Variants in NRXN3 observed in about 807,000 individuals in gnomAD.
NRXN3 encodes the protein neurexin 3.
A neutral mutation model predicts 137.6 loss-of-function variants in NRXN3; 32 were observed. The ratio of observed to expected loss-of-function variants is 0.23; its 90% CI spans 0.18 to 0.31. NRXN3 has a LOEUF of 0.31. Among genes scored for constraint, NRXN3 ranks in the 10% least tolerant of loss-of-function variants. NRXN3 has a pLI of 1.00. For missense variants in NRXN3, 1,574 were observed against 2,062.5 expected (o/e 0.76, Z 4.59); for synonymous variants, 798 against 784.5 (o/e 1.02, Z -0.29).
chr14:79,589,550 T>TGAA (rs771674567), intron 16 of NRXN3, among the ~76,000 whole-genome samples: 2 of 87,060 alleles, frequency 2.3e-5, no homozygotes, highest in African/African-American at 9.6e-5. Context: ...GTAGAATACC[T>TGAA]AAAAAAAAAA....
intron 15 of NRXN3, among the ~76,000 whole-genome samples, chr14:79,431,308 G>A (rs1466879467): frequency 6.6e-6 from 1 of 152,164 alleles, no homozygotes; most frequent in Non-Finnish European, 1.5e-5. Context: ...CTTCAGCAGA[G>A]ACTTGACCTA....
At position 78,663,535 on chromosome 14, in the gene NRXN3, G is replaced by A. The variant is rs76910782; in HGVS notation, c.1221+12209G>A. ...AAATGCCAAGCAGTGCAATAGTTTC[G>A]TCTTGAGATGGGCAGCACATTGTTT... On this transcript the variant is annotated intron_variant, in intron 6 of 20. Coordinates refer to ENST00000335750, the MANE Select transcript of NRXN3 (RefSeq NM_001330195.2). Among the ~76,000 whole-genome samples, 58 of 152,212 alleles carry A rather than the reference G, an allele frequency of 3.8e-4. No individual in the cohort carries two copies. The Middle Eastern group carries it at 0.017, about 45-fold the overall frequency.
chr14:78,308,424 T>A (rs900545279), intron 4 of NRXN3, among the ~76,000 whole-genome samples: 2 of 152,124 alleles, frequency 1.3e-5, no homozygotes, highest in Non-Finnish European at 2.9e-5. Flanking sequence ...GGGTCCCACA[T>A]GCTCTGCAGC....
chr14:78,237,658 T>C (rs1207019441), intron 1 of NRXN3, among the ~76,000 whole-genome samples: 1 of 152,218 alleles, frequency 6.6e-6, no homozygotes, highest in Non-Finnish European at 1.5e-5. Flanking sequence ...AACTAATCAC[T>C]GTGGCCAAGA....
chr14:79,491,304 T>A (rs1376058352), intron 16 of NRXN3, among the ~76,000 whole-genome samples: 1 of 152,186 alleles, frequency 6.6e-6, no homozygotes, highest in Non-Finnish European at 1.5e-5. Context: ...CTACACAATC[T>A]GCTCAGTGAA....
In NRXN3 at chr14:79,663,770, T is replaced by C; in HGVS notation, c.3445-8T>C. On this transcript the variant is annotated splice_polypyrimidine_tract_variant and splice_region_variant and intron_variant, in intron 16 of 20. Transcript: ENST00000335750. Reference sequence around the variant, plus strand: ...GATAACTATGCCTTTTGTGTTTCTTTATTATAGGAACAGGGGAAAATTGGA... The same window carrying C: ...GATAACTATGCCTTTTGTGTTTCTTCATTATAGGAACAGGGGAAAATTGGA... 1 of 1,611,110 alleles carries C rather than the reference T, an allele frequency of 6.2e-7. No homozygotes were observed. The highest frequency in any genetic ancestry group is 8.5e-7 in the Non-Finnish European group (1 of 1,178,456).
At chr14:78,597,983 C>T (rs1016676969) in intron 4 of NRXN3, among the ~76,000 whole-genome samples, 4 of 152,140 alleles carry the variant, frequency 2.6e-5, no homozygotes, top group African/African-American at 9.7e-5. Flanking sequence ...GACTCACCCT[C>T]GATGATGCAG....
At chr14:78,611,316 C>G (rs2097298533) in intron 4 of NRXN3, among the ~76,000 whole-genome samples, 1 of 152,156 alleles carries the variant, frequency 6.6e-6, no homozygotes, top group Admixed American at 6.5e-5. Context: ...ATTTACTTCC[C>G]TTCCGTTCTT....
chr14:79,761,820 G>T (rs1322839279), intron 19 of NRXN3, among the ~76,000 whole-genome samples: 1 of 151,422 alleles, frequency 6.6e-6, no homozygotes, highest in African/African-American at 2.4e-5. Flanking sequence ...TATACAAAAG[G>T]AAAATCTTTA....
chr14:79,418,713 A>G (rs2574753), intron 15 of NRXN3, among the ~76,000 whole-genome samples: 115,530 of 151,980 alleles, frequency 0.76, 44,168 homozygotes, highest in Middle Eastern at 0.87. Context: ...TCACAAAAGG[A>G]CCCTCGTGGC....
At chr14:78,889,697 C>T (rs777936993) in intron 10 of NRXN3, among the ~76,000 whole-genome samples, 10 of 151,974 alleles carry the variant, frequency 6.6e-5, no homozygotes, top group Non-Finnish European at 1.3e-4. Flanking sequence ...AAGCTCTGGC[C>T]TCAAGGATTC....
chr14:78,846,841 C>A (rs1028832056), intron 10 of NRXN3, among the ~76,000 whole-genome samples: 2 of 152,124 alleles, frequency 1.3e-5, no homozygotes, highest in African/African-American at 2.4e-5. Flanking sequence ...CTATTTTCTA[C>A]CTTTGCTTAA....
chr14:78,170,952 C>CTTTTTTT (rs545853025), intron 1 of NRXN3, among the ~76,000 whole-genome samples: 2 of 126,184 alleles, frequency 1.6e-5, no homozygotes, highest in African/African-American at 6.2e-5. Flanking sequence ...TCTTCTTCTT[C>CTTTTTTT]TTTTTTTTTT....
chr14:79,356,364 C>T (rs1015080961), intron 15 of NRXN3, among the ~76,000 whole-genome samples: 1 of 152,100 alleles, frequency 6.6e-6, no homozygotes. Context: ...TTTTTTAATG[C>T]CGCCTGCTGT....
chr14:78,271,107 C>T (rs909417664), intron 2 of NRXN3, among the ~76,000 whole-genome samples: 1 of 152,248 alleles, frequency 6.6e-6, no homozygotes, highest in African/African-American at 2.4e-5. Context: ...TTTTCACAGA[C>T]AAACTTCAGG....
chr14:78,253,705 T>A (rs1267937165), intron 2 of NRXN3, among the ~76,000 whole-genome samples: 1 of 152,052 alleles, frequency 6.6e-6, no homozygotes, highest in Non-Finnish European at 1.5e-5. Context: ...AATCATGGGA[T>A]AATAAGTTTA....
chr14:79,429,151 A>G (rs2095704661), intron 15 of NRXN3, among the ~76,000 whole-genome samples: 1 of 152,084 alleles, frequency 6.6e-6, no homozygotes, highest in African/African-American at 2.4e-5. Flanking sequence ...CTTTTTTTTC[A>G]AAGTTAAGCA....
At chr14:78,643,840 C>T (rs1031348145) in intron 4 of NRXN3, among the ~76,000 whole-genome samples, 1 of 152,098 alleles carries the variant, frequency 6.6e-6, no homozygotes, top group African/African-American at 2.4e-5. Context: ...GTATGGTTTG[C>T]CTTTAGAAAG....
At chr14:78,681,775 A>C (rs1428097872) in intron 6 of NRXN3, among the ~76,000 whole-genome samples, 1 of 152,130 alleles carries the variant, frequency 6.6e-6, no homozygotes, top group Non-Finnish European at 1.5e-5. Flanking sequence ...TTATCAGTGA[A>C]GGAGATGAGA....
Sources: gnomAD v4.1 joint callset for allele counts (sites outside exome capture counted in the v4.1 genomes callset) on GRCh38, gnomAD v4.1.1 for gene constraint, MANE v1.5 for transcripts, NCBI Gene and HGNC (gene_info 2026-07-23, HGNC 2026-07-21) for gene names.